Variants in CRISP1 observed in about 807,000 individuals in gnomAD.
CRISP1 encodes the protein cysteine-rich secretory protein 1.
A neutral mutation model predicts 33.1 loss-of-function variants in CRISP1; 44 were observed. The observed-to-expected ratio is 1.33, with a 90% CI of 1.05 to 1.71. CRISP1 has a LOEUF of 1.71. Ranked by LOEUF, CRISP1 falls within the 40% of genes most tolerant of loss-of-function variation. CRISP1 has a pLI of 0.00. For missense variants in CRISP1, 390 were observed against 301.2 expected (o/e 1.29, Z -2.18); for synonymous variants, 103 against 98.7 (o/e 1.04, Z -0.26).
At chr6:49,839,310 G>A (rs944796913) in intron 6 of CRISP1, among the ~76,000 whole-genome samples, 3 of 146,578 alleles carry the variant, frequency 2.0e-5, no homozygotes, top group Admixed American at 6.8e-5. Flanking sequence ...AATTAGTTAG[G>A]CCTGGTGGCG....
intron 1 of CRISP1, among the ~76,000 whole-genome samples, chr6:49,874,746 C>T (rs974220241): frequency 6.6e-6 from 1 of 151,966 alleles, no homozygotes; most frequent in Admixed American, 6.6e-5. Context: ...CAAGTTTGGT[C>T]CAACATATGC....
chr6:49,857,312 T>C (rs372523054), intron 2 of CRISP1, 23 bp downstream of exon 2: 64 of 1,608,434 alleles, frequency 4.0e-5, no homozygotes, highest in Non-Finnish European at 5.3e-5. Context: ...AAAGTAATTA[T>C]GAAACATCCA....
chr6:49,853,599 TC>T, intron 2 of CRISP1, among the ~76,000 whole-genome samples: 1 of 152,272 alleles, frequency 6.6e-6, no homozygotes, highest in South Asian at 2.1e-4. Flanking sequence ...GTCAAGCATT[TC>T]CCTGCCTGAT....
upstream of CRISP1, among the ~76,000 whole-genome samples, chr6:49,867,145 A>G (rs1010299236): frequency 1.5e-4 from 23 of 152,180 alleles, no homozygotes; most frequent in Non-Finnish European, 5.9e-5. Context: ...ACTAAATTGT[A>G]AAACACTAAA....
At chr6:49,856,951 T>C (rs1313072388) in intron 2 of CRISP1, among the ~76,000 whole-genome samples, 1 of 152,200 alleles carries the variant, frequency 6.6e-6, no homozygotes, top group Non-Finnish European at 1.5e-5. Flanking sequence ...CCATTTTATA[T>C]TTAATTTTGA....
chr6:49,874,420 G>A (rs1771989277), intron 1 of CRISP1, among the ~76,000 whole-genome samples: 1 of 152,026 alleles, frequency 6.6e-6, no homozygotes, highest in South Asian at 2.1e-4. Context: ...AACTGATAAT[G>A]TGCAAAGAGT....
intron 5 of CRISP1, among the ~76,000 whole-genome samples, chr6:49,843,150 C>T (rs982688252): frequency 1.3e-5 from 2 of 152,042 alleles, no homozygotes; most frequent in African/African-American, 4.8e-5. Context: ...TGAATCCAGG[C>T]CACAAATTTC....
At position 49,864,159 on chromosome 6, in the gene CRISP1, C is replaced by A. The variant is rs75130244; in HGVS notation, c.-3+2270G>T. 1.9e-3 allele frequency among the ~76,000 whole-genome samples: 282 copies of A among 152,170 alleles called. 5 individuals are homozygous for A. The East Asian group carries it at 0.047, about 25-fold the overall frequency. On this transcript the variant is annotated intron_variant, in intron 1 of 7. Transcript: ENST00000335847. ...TGAAATATCTATTTTTAATGTCTAA[C>A]CTTTTTCACTACTCATTATTATACT...
intron 1 of CRISP1, among the ~76,000 whole-genome samples, chr6:49,859,601 C>T (rs1364752349): frequency 1.3e-5 from 2 of 151,850 alleles, no homozygotes; most frequent in Non-Finnish European, 2.9e-5. Flanking sequence ...TGAAAACACA[C>T]AAAAGTATTA....
chr6:49,834,514 C>A lies in CRISP1; in HGVS notation c.*802G>T, dbSNP rs1217469687. The A allele has an allele frequency of 6.6e-6, 1 of 152,116 alleles. No individual in the cohort carries two copies. Among genetic ancestry groups the A allele is most frequent in the African/African-American group, 2.4e-5 (1 of 41,442 alleles). 9.4% of individuals were successfully genotyped at this position (152,116 alleles called of 1,614,324 possible). A position where few individuals can be genotyped will look rare whatever the true frequency, so the allele number is the denominator to read the frequency against. ...CTCAGAAGATGTTCCTCATTCCACC[C>A]TAAGGCTTTCCTGAATCTCCAAACA... is the stretch of plus-strand genomic sequence containing the variant. On this transcript the variant is annotated 3_prime_UTR_variant, in exon 8 of 8. Transcript: ENST00000335847.
intron 2 of CRISP1, among the ~76,000 whole-genome samples, chr6:49,854,270 C>T (rs1300269295): frequency 6.6e-6 from 1 of 152,192 alleles, no homozygotes; most frequent in African/African-American, 2.4e-5. Flanking sequence ...TCTCTTCTAC[C>T]ATTCCCCCAA....
intron 1 of CRISP1, among the ~76,000 whole-genome samples, chr6:49,859,640 G>A (rs1293501214): frequency 6.6e-6 from 1 of 151,662 alleles, no homozygotes; most frequent in East Asian, 1.9e-4. Flanking sequence ...ACACAAATAA[G>A]GAAGAGCAAA....
chr6:49,852,095 A>G lies in CRISP1; in HGVS notation c.101T>C (p.Val34Ala). 1.2e-6 allele frequency: 2 copies of G among 1,613,240 alleles called. No individual in the cohort carries two copies. Among genetic ancestry groups the G allele is most frequent in the South Asian group, 1.1e-5 (1 of 90,988 alleles). Residue 34 changes from valine to alanine, a missense_variant, in exon 3 of 8, where the codon GTC (valine) becomes GCC (alanine). Transcript: ENST00000335847. ...TTCTTGTACATTTGGCAAGTCGGTG[A>G]CGAGCTTATTAAATTGGTCTCTAGC... The part of the protein sequence containing the change: ...KSARDQFNKL[V>A]TDLPNVQEEI...
chr6:49,862,348 G>A (rs941457862), intron 1 of CRISP1, among the ~76,000 whole-genome samples: 1 of 151,572 alleles, frequency 6.6e-6, no homozygotes, highest in Non-Finnish European at 1.5e-5. Context: ...AAAAATTATG[G>A]GCTCTAATTA....
intron 1 of CRISP1, among the ~76,000 whole-genome samples, chr6:49,872,206 A>G (rs936587854): frequency 1.3e-5 from 2 of 152,040 alleles, no homozygotes; most frequent in Non-Finnish European, 2.9e-5. Context: ...TTCTTTTGAG[A>G]AGTGTCTGTT....
rs142279558 is a variant in CRISP1, at chr6:49,863,214, C to T, written c.-3+3215G>A. On this transcript the variant is annotated intron_variant, in intron 1 of 7. Transcript: ENST00000335847. ...TGTGAGGGTGAAAATATAAATGGGC[C>T]CAGGGTAAAAGACCCTGTAGATCCA... is the stretch of plus-strand genomic sequence containing the variant. Among the ~76,000 whole-genome samples the T allele has an allele frequency of 1.8e-4, 28 of 152,152 alleles. No homozygotes were observed. The East Asian group carries it at 5.0e-3, about 27-fold the overall frequency.
In CRISP1 at chr6:49,835,412, G is replaced by C. The variant is rs201829013; in HGVS notation, c.654C>G (p.Phe218Leu). The C allele has an allele frequency of 2.5e-6, 4 of 1,613,410 alleles. No homozygotes were observed. In the East Asian group the frequency reaches 8.9e-5, roughly 36 times the overall value. ...TNPCIYYDEY[F>L]DCDIQVHYLG... ...GATAATGGACTTGTATGTCACAGTC[G>C]AAGTATTCATCATAGTAGATGCAGG... Residue 218 changes from phenylalanine (F) to leucine (L), a missense_variant, in exon 8 of 8, where the codon TTC becomes TTG. Coordinates refer to ENST00000335847, the MANE Select transcript of CRISP1 (RefSeq NM_001131.3).
At chr6:49,838,594 G>T (rs974983331) in intron 6 of CRISP1, 69 bp from the exon 7 acceptor site, 8 of 1,146,730 alleles carry the variant, frequency 7.0e-6, no homozygotes, top group Non-Finnish European at 1.0e-5. Flanking sequence ...TACTCACAGT[G>T]TACAACCAAT....
intron 4 of CRISP1, among the ~76,000 whole-genome samples, chr6:49,847,317 G>T (rs1229825906): frequency 6.6e-6 from 1 of 152,140 alleles, no homozygotes; most frequent in African/African-American, 2.4e-5. Context: ...CTCATGTTGA[G>T]ATGTAATCCC....
Sources: allele counts gnomAD v4.1 joint callset (sites outside exome capture counted in the v4.1 genomes callset), GRCh38; gene constraint gnomAD v4.1.1; transcripts MANE v1.5; gene names NCBI Gene and HGNC (gene_info 2026-07-23, HGNC 2026-07-21).